The following CHD6 variants were observed in gnomAD, a reference collection of about 807,000 sequenced individuals.
CHD6 encodes the protein chromodomain helicase DNA binding protein 6.
CHD6 carries 50 observed loss-of-function variants against 276.9 expected under a neutral mutation model. That is an observed-to-expected ratio of 0.18 (90% CI 0.14 to 0.23). The LOEUF is 0.23. Among genes scored for constraint, CHD6 ranks in the 10% least tolerant of loss-of-function variants. The probability of loss-of-function intolerance (pLI) is 1.00; values close to 1 mark genes in which losing one functional copy is unlikely to be tolerated. For missense variants in CHD6, 2,564 were observed against 3,365.8 expected, an observed-to-expected ratio of 0.76 and a Z score of 5.89; for synonymous variants, 1,173 against 1,229.3, an observed-to-expected ratio of 0.95 and a Z score of 0.96.
intron 1 of CHD6, among the ~76,000 whole-genome samples, chr20:41,555,064 T>C (rs1477033801): frequency 4.3e-4 from 54 of 125,776 alleles, no homozygotes; most frequent in African/African-American, 1.6e-3. Flanking sequence ...GGGGGCTGAT[T>C]CCCCCACCTC....
chr20:41,431,375 C>T (rs1457013018), intron 27 of CHD6, among the ~76,000 whole-genome samples: 2 of 152,166 alleles, frequency 1.3e-5, no homozygotes, highest in Non-Finnish European at 1.5e-5. Flanking sequence ...AAGCTAGAAT[C>T]AACAGAAGAG....
chr20:41,507,835 C>T (rs1376502252), intron 5 of CHD6, among the ~76,000 whole-genome samples: 1 of 152,140 alleles, frequency 6.6e-6, no homozygotes, highest in African/African-American at 2.4e-5. Flanking sequence ...CCTTCAACCT[C>T]AGCCAACTAC....
intron 25 of CHD6, among the ~76,000 whole-genome samples, chr20:41,440,526 T>G (rs2047868393): frequency 6.6e-6 from 1 of 152,124 alleles, no homozygotes; most frequent in African/African-American, 2.4e-5. Context: ...AAAGGGAAGG[T>G]GAACATGATG....
At chr20:41,581,901 C>CG (rs553881943) in intron 1 of CHD6, among the ~76,000 whole-genome samples, 22 of 152,144 alleles carry the variant, frequency 1.4e-4, no homozygotes, top group Non-Finnish European at 2.6e-4. Flanking sequence ...AAGGTAGGGA[C>CG]ACAAAACATA....
intron 7 of CHD6, 25 bp downstream of exon 7, chr20:41,498,143 C>A: frequency 6.5e-7 from 1 of 1,545,656 alleles, no homozygotes; most frequent in Non-Finnish European, 8.9e-7. Context: ...AACCCAAATA[C>A]AGAGAATACT....
At chr20:41,474,516 C>A (rs2043128792) in intron 16 of CHD6, among the ~76,000 whole-genome samples, 1 of 152,116 alleles carries the variant, frequency 6.6e-6, no homozygotes, top group African/African-American at 2.4e-5. Flanking sequence ...GACCCACAAA[C>A]ATGAACTGGT....
intron 1 of CHD6, among the ~76,000 whole-genome samples, chr20:41,551,982 G>A (rs1023422592): frequency 6.6e-6 from 1 of 152,136 alleles, no homozygotes; most frequent in East Asian, 1.9e-4. Context: ...CAACCATAAT[G>A]TCCTTGACAA....
At chr20:41,501,454 G>A (rs2043827883) in intron 5 of CHD6, among the ~76,000 whole-genome samples, 1 of 152,090 alleles carries the variant, frequency 6.6e-6, no homozygotes, top group South Asian at 2.1e-4. Context: ...CCGTAGACTG[G>A]TTTTGTGTAT....
chr20:41,428,088 A>G (rs984096616), intron 27 of CHD6, among the ~76,000 whole-genome samples: 8 of 152,174 alleles, frequency 5.3e-5, no homozygotes, highest in Admixed American at 5.2e-4. Flanking sequence ...CATACAGCAA[A>G]TGCTAGCTTC....
At chr20:41,451,346 T>C (rs1316537210) in intron 22 of CHD6, among the ~76,000 whole-genome samples, 1 of 152,168 alleles carries the variant, frequency 6.6e-6, no homozygotes, top group East Asian at 1.9e-4. Flanking sequence ...CCAAGTACCC[T>C]GTGAGGATTA....
Position 41,493,671 on chromosome 20 carries a change from T to G in CHD6, c.1181A>C (p.Glu394Ala). 1 of 1,613,408 alleles carries G rather than the reference T, an allele frequency of 6.2e-7. No individual in the cohort carries two copies. The highest frequency in any genetic ancestry group is 8.5e-7 in the Non-Finnish European group (1 of 1,179,742). Residue 394 changes from glutamate (E) to alanine (A), a missense_variant and splice_region_variant, in exon 10 of 37, where the codon GAG (glutamate) becomes GCG (alanine). Glu to Ala is a moderately radical substitution (Grantham distance 107). Coordinates refer to ENST00000373233, the MANE Select transcript of CHD6 (RefSeq NM_032221.5). ...CCACTTCACCAGGTAATGTGTTACCTCCTGGTGGGAAAACAGGAAAGAAAC... is the reference window on the plus strand; with the variant it reads ...CCACTTCACCAGGTAATGTGTTACCGCCTGGTGGGAAAACAGGAAAGAAAC... ...AHTKDAETGE[E>A]VTHYLVKWCS...
chr20:41,523,570 A>T (rs2044455203), intron 3 of CHD6, among the ~76,000 whole-genome samples: 1 of 152,126 alleles, frequency 6.6e-6, no homozygotes, highest in East Asian at 1.9e-4. Flanking sequence ...TGTCTTCCAC[A>T]TGGCTTCATC....
intron 1 of CHD6, among the ~76,000 whole-genome samples, chr20:41,609,898 C>A (rs906694181): frequency 4.0e-5 from 6 of 148,592 alleles, no homozygotes; most frequent in Non-Finnish European, 8.9e-5. Flanking sequence ...ACTCTGCCAC[C>A]AAGGCTGGAG....
chr20:41,609,444 A>G (rs1168059689), intron 1 of CHD6, among the ~76,000 whole-genome samples: 1 of 152,214 alleles, frequency 6.6e-6, no homozygotes, highest in Admixed American at 6.5e-5. Flanking sequence ...ACCGCCACTC[A>G]CTGCTTTGTG....
At chr20:41,483,278 G>A in intron 16 of CHD6, 31 bp downstream of exon 16, 1 of 1,563,592 alleles carries the variant, frequency 6.4e-7, no homozygotes, top group Non-Finnish European at 8.7e-7. Context: ...CTGTCCCATT[G>A]TTGAATGCAG....
chr20:41,439,246 C>T (rs772295074), intron 26 of CHD6, among the ~76,000 whole-genome samples: 1 of 152,032 alleles, frequency 6.6e-6, no homozygotes, highest in Non-Finnish European at 1.5e-5. Context: ...GTTCCAGCTA[C>T]TCAGGAGGCT....
chr20:41,538,826 GA>G (rs1271059488), intron 2 of CHD6, among the ~76,000 whole-genome samples: 10 of 152,150 alleles, frequency 6.6e-5, no homozygotes, highest in Admixed American at 2.6e-4. Context: ...TCTCATACCA[GA>G]AGTGGAGCTT....
At position 41,499,349 on chromosome 20, in the gene CHD6, T is replaced by C; in HGVS notation, c.861A>G (p.Pro287=). Residue 287 remains proline, a synonymous_variant, in exon 6 of 37, where the codon CCA becomes CCG. Coordinates refer to ENST00000373233, the MANE Select transcript of CHD6 (RefSeq NM_032221.5). ...TCTCAATGATGTTTGCATCATCTTC[T>C]GGAGGCTCCTGGGGACAAAGATAAA... ...STLAWQAEEP[P]EDDANIIEKI... is the part of the protein sequence containing the mutation. 6.2e-7 allele frequency: 1 copy of C among 1,600,676 alleles called. No homozygotes were observed. Among genetic ancestry groups the C allele is most frequent in the Non-Finnish European group, 8.5e-7 (1 of 1,172,906 alleles).
intron 1 of CHD6, among the ~76,000 whole-genome samples, chr20:41,596,935 C>G (rs1447426125): frequency 1.3e-5 from 2 of 152,078 alleles, no homozygotes; most frequent in Non-Finnish European, 2.9e-5. Context: ...TAAAGAAAAG[C>G]AAAAGCAAAA....
Sources: allele counts gnomAD v4.1 joint callset (sites outside exome capture counted in the v4.1 genomes callset), GRCh38; gene constraint gnomAD v4.1.1; transcripts MANE v1.5; gene names NCBI Gene and HGNC (gene_info 2026-07-23, HGNC 2026-07-21).